HFM1: variants seen among roughly 807,000 people sequenced by gnomAD.
The protein encoded by HFM1 is probable ATP-dependent DNA helicase HFM1.
In HFM1, 169 loss-of-function variants were observed where a neutral mutation model predicts 192.1. The observed-to-expected ratio is 0.88, with a 90% CI of 0.78 to 1.00. The LOEUF (loss-of-function observed/expected upper bound fraction) is 1.00. Among genes scored for constraint, HFM1 ranks in the 50% least tolerant of loss-of-function variants. The pLI is 0.00. For synonymous variants in HFM1, 525 were observed against 537.8 expected (o/e 0.98, Z 0.33); for missense variants, 1,661 against 1,668.0 (o/e 1.00, Z 0.07).
At chr1:91,345,479 G>A (rs978287480) in intron 19 of HFM1, among the ~76,000 whole-genome samples, 3 of 152,078 alleles carry the variant, frequency 2.0e-5, no homozygotes, top group Admixed American at 1.3e-4. Flanking sequence ...TAAGAGTGAC[G>A]GGGAAGCTAT....
At chr1:91,269,771 T>C (rs1379606841) in intron 34 of HFM1, among the ~76,000 whole-genome samples, 1 of 152,110 alleles carries the variant, frequency 6.6e-6, no homozygotes, top group African/African-American at 2.4e-5. Context: ...TTCAGCTTGA[T>C]AGAGCTGTAG....
At chr1:91,400,609 G>A (rs1347596342) in intron 2 of HFM1, among the ~76,000 whole-genome samples, 1 of 151,856 alleles carries the variant, frequency 6.6e-6, no homozygotes. Context: ...AGCCTCCCAA[G>A]TAGCTGGGAT....
intron 13 of HFM1, among the ~76,000 whole-genome samples, chr1:91,368,875 A>G (rs1056985521): frequency 2.0e-5 from 3 of 152,206 alleles, no homozygotes; most frequent in East Asian, 3.8e-4. Context: ...AGAGACACAT[A>G]TATGCTCAAA....
Position 91,352,552 on chromosome 1 carries a change from C to A in HFM1, c.1931G>T (p.Ser644Ile). 6.2e-7 allele frequency: 1 copy of A among 1,609,472 alleles called. No individual in the cohort carries two copies. The highest frequency in any genetic ancestry group is 8.5e-7 in the Non-Finnish European group (1 of 1,177,434). The change falls in exon 16 of 39, where the codon AGT (serine) becomes ATT (isoleucine). Residue 644 changes from serine to isoleucine, a missense_variant. Transcript: ENST00000370425. ...AATCATCTGTAGAATATCTGTTTCA[C>A]TGTACTCTTCAAACAGTCCTCCAGC... ...HYAGGLFEEY[S>I]ETDILQMIGR...
intron 13 of HFM1, among the ~76,000 whole-genome samples, chr1:91,354,932 C>A (rs536783736): frequency 6.6e-6 from 1 of 152,242 alleles, no homozygotes; most frequent in East Asian, 1.9e-4. Flanking sequence ...AATACACAGT[C>A]AAATTCAGAA....
intron 36 of HFM1, among the ~76,000 whole-genome samples, chr1:91,265,097 G>A (rs867217132): frequency 5.3e-5 from 8 of 152,212 alleles, no homozygotes; most frequent in South Asian, 4.1e-4. Flanking sequence ...CCATGCCTCT[G>A]GCAGTCCCAC....
At chr1:91,316,213 A>G in intron 26 of HFM1, 29 bp from the exon 27 acceptor site, 1 of 1,300,248 alleles carries the variant, frequency 7.7e-7, no homozygotes, top group Non-Finnish European at 1.1e-6. Context: ...TTATATTCTT[A>G]CCACAACACT....
intron 30 of HFM1, among the ~76,000 whole-genome samples, chr1:91,307,195 G>A (rs932692892): frequency 2.0e-5 from 3 of 151,676 alleles, no homozygotes; most frequent in Admixed American, 6.6e-5. Context: ...CCTATGTATC[G>A]CTGATTTCTG....
chr1:91,395,596 G>A (rs1170748150), intron 3 of HFM1, among the ~76,000 whole-genome samples: 2 of 151,962 alleles, frequency 1.3e-5, no homozygotes, highest in Admixed American at 6.6e-5. Flanking sequence ...GGGACTACAG[G>A]TGTCAACTGC....
At chr1:91,385,287 C>T (rs1212924838) in intron 5 of HFM1, 53 bp from the exon 6 acceptor site, 1 of 1,055,000 alleles carries the variant, frequency 9.5e-7, no homozygotes, top group Non-Finnish European at 1.4e-6. Context: ...AATTAATGGT[C>T]AGAAGCTAGG....
intron 20 of HFM1, chr1:91,328,639 G>A: frequency 6.3e-7 from 1 of 1,593,140 alleles, no homozygotes; most frequent in Non-Finnish European, 8.6e-7. Flanking sequence ...TGTCTTTGAG[G>A]GCACGCCACC....
rs544587882 is a variant in HFM1 at position 91,288,411 on chromosome 1, T to C, written c.3392-11349A>G. Among the ~76,000 whole-genome samples the C allele has an allele frequency of 9.5e-5, 14 of 146,922 alleles. No individual in the cohort carries two copies. In the South Asian group the frequency reaches 3.0e-3, roughly 32 times the overall value. On this transcript the variant is annotated intron_variant, in intron 30 of 38. Transcript: ENST00000370425. ...TTTTTTAGTATTTATTGATCATTCT[T>C]GGGTGTTTCTCGGGGAGGGGGATTT...
intron 30 of HFM1, among the ~76,000 whole-genome samples, chr1:91,307,544 C>T (rs1649815285): frequency 6.6e-6 from 1 of 151,960 alleles, no homozygotes; most frequent in Non-Finnish European, 1.5e-5. Flanking sequence ...CCTCAACTTC[C>T]CAGGGTCAAA....
chr1:91,390,380 G>A (rs1166962201), intron 4 of HFM1, among the ~76,000 whole-genome samples: 4 of 143,480 alleles, frequency 2.8e-5, no homozygotes, highest in South Asian at 2.2e-4. Flanking sequence ...AGGCTGTAGC[G>A]AACCAAGATC....
At position 91,351,508 on chromosome 1, in the gene HFM1, T is replaced by C. The variant is rs202158224; in HGVS notation, c.2072+41A>G. On this transcript the variant is annotated intron_variant, in intron 17 of 38. Transcript: ENST00000370425. ...TTTTAAAAGGAAATAAAATAAGCTATATTAGCATTAGTATCTTTTTGGAAC... is the reference window on the plus strand; with the variant it reads ...TTTTAAAAGGAAATAAAATAAGCTACATTAGCATTAGTATCTTTTTGGAAC... 4.2e-3 allele frequency: 4,134 copies of C among 990,282 alleles called. 16 individuals are homozygous for C. Among genetic ancestry groups the C allele is most frequent in the Non-Finnish European group, 5.5e-3 (3,532 of 642,910 alleles). The allele number at this position is 990,282 out of a possible 1,614,324, so 61.3% of individuals were successfully genotyped here. A position where few individuals can be genotyped will look rare whatever the true frequency, so the allele number is the denominator to read the frequency against.
intron 34 of HFM1, among the ~76,000 whole-genome samples, chr1:91,270,737 C>G (rs960985679): frequency 2.6e-5 from 4 of 151,966 alleles, no homozygotes; most frequent in Non-Finnish European, 5.9e-5. Flanking sequence ...CTATAGAGGT[C>G]AAAGAGATTA....
chr1:91,292,531 C>A (rs1668891722), intron 30 of HFM1, among the ~76,000 whole-genome samples: 1 of 151,410 alleles, frequency 6.6e-6, no homozygotes, highest in Admixed American at 6.6e-5. Context: ...AACTACAAAC[C>A]ACTGCTCAAG....
intron 13 of HFM1, among the ~76,000 whole-genome samples, chr1:91,367,701 C>A (rs769555055): frequency 2.0e-5 from 3 of 152,148 alleles, no homozygotes; most frequent in Non-Finnish European, 4.4e-5. Flanking sequence ...GAGTGCCTAT[C>A]CTCCTCCAAA....
At chr1:91,406,714 C>T (rs1007631725), upstream of HFM1, among the ~76,000 whole-genome samples, 1 of 152,192 alleles carries the variant, frequency 6.6e-6, no homozygotes, top group African/African-American at 2.4e-5. Context: ...ATAGTCTTCC[C>T]GGTCAACTTC....
Sources: allele counts gnomAD v4.1 joint callset (sites outside exome capture counted in the v4.1 genomes callset), GRCh38; gene constraint gnomAD v4.1.1; transcripts MANE v1.5; gene names NCBI Gene and HGNC (gene_info 2026-07-23, HGNC 2026-07-21).